CDH11: variants seen among roughly 807,000 people sequenced by gnomAD.
CDH11 encodes the protein cadherin-11.
Under a neutral mutation model 67.8 loss-of-function variants are expected in CDH11, and 11 were observed. The observed-to-expected ratio is 0.16, with a 90% CI of 0.10 to 0.27. The LOEUF (loss-of-function observed/expected upper bound fraction) is 0.27, where lower values mean the gene tolerates loss of function less well. Ranked by LOEUF, CDH11 falls within the 10% of genes least tolerant of loss-of-function variation. The probability of loss-of-function intolerance (pLI) is 1.00; values close to 1 mark genes in which losing one functional copy is unlikely to be tolerated. For missense variants in CDH11, 847 were observed against 1,031.2 expected (o/e 0.82, Z 2.45); for synonymous variants, 419 against 400.0 (o/e 1.05, Z -0.57).
intron 2 of CDH11, among the ~76,000 whole-genome samples, chr16:65,014,861 AT>A (rs111296967): frequency 0.014 from 2,010 of 147,700 alleles, 42 homozygotes; most frequent in African/African-American, 0.046. Context: ...GTTTAAAACA[AT>A]TTTTTTTTTT....
rs573381936 is a variant in CDH11, at chr16:65,086,912, A to G, written c.-297-32984T>C. Among the ~76,000 whole-genome samples, 47 of 152,330 alleles carry G rather than the reference A, an allele frequency of 3.1e-4. 1 individual carries two copies. The South Asian group carries it at 7.7e-3, about 25-fold the overall frequency. On this transcript the variant is annotated intron_variant, in intron 1 of 12. Transcript: ENST00000268603. ...AATTATAGACTCTTAGATATTCCAG[A>G]ACAGACAGTAAAAGAAAGTGTATTT...
intron 11 of CDH11, among the ~76,000 whole-genome samples, chr16:64,965,017 G>A (rs1323746384): frequency 6.6e-6 from 1 of 151,704 alleles, no homozygotes; most frequent in African/African-American, 2.4e-5. Context: ...ATTTACGTTA[G>A]GCATAAATCA....
At chr16:65,097,813 C>T (rs1418600612) in intron 1 of CDH11, among the ~76,000 whole-genome samples, 1 of 152,068 alleles carries the variant, frequency 6.6e-6, no homozygotes, top group Non-Finnish European at 1.5e-5. Flanking sequence ...CTACTGGGGA[C>T]TTTTGATCAG....
chr16:64,992,877 C>T (rs1244189020), intron 5 of CDH11, 38 bp downstream of exon 5: 6 of 1,603,724 alleles, frequency 3.7e-6, no homozygotes, highest in Non-Finnish European at 5.1e-6. Context: ...ACTTCTTATT[C>T]ACCATGTGTC....
chr16:65,048,980 G>T (rs1034051053), intron 2 of CDH11, among the ~76,000 whole-genome samples: 1 of 152,060 alleles, frequency 6.6e-6, no homozygotes, highest in African/African-American at 2.4e-5. Flanking sequence ...CATATCCTCA[G>T]TTATGAGTGG....
chr16:65,078,019 T>G (rs1168310393), intron 1 of CDH11, among the ~76,000 whole-genome samples: 1 of 152,218 alleles, frequency 6.6e-6, no homozygotes, highest in African/African-American at 2.4e-5. Context: ...GATCCTCTGA[T>G]TTGTGAACTA....
At chr16:65,100,654 C>T (rs773682762) in intron 1 of CDH11, among the ~76,000 whole-genome samples, 2 of 149,994 alleles carry the variant, frequency 1.3e-5, no homozygotes, top group Non-Finnish European at 1.5e-5. Flanking sequence ...AGGAGAATGA[C>T]GTGAACCCAG....
chr16:65,093,192 C>T (rs1396380813), intron 1 of CDH11, among the ~76,000 whole-genome samples: 1 of 149,792 alleles, frequency 6.7e-6, no homozygotes, highest in Non-Finnish European at 1.5e-5. Flanking sequence ...CCTGCCTTGG[C>T]CTCCCAGTGT....
chr16:65,122,106 G>GT, upstream of CDH11: 1 of 511,080 alleles, frequency 2.0e-6, no homozygotes, highest in Non-Finnish European at 3.5e-6. Flanking sequence ...AAACCGGGGG[G>GT]AGGTGGCGGG....
chr16:64,968,735 G>A (rs186214622), intron 11 of CDH11, among the ~76,000 whole-genome samples: 4 of 152,272 alleles, frequency 2.6e-5, no homozygotes, highest in Admixed American at 2.6e-4. Context: ...AGGAGAAAGA[G>A]ACTTGATGCT....
chr16:64,947,635 C>T lies in CDH11; in HGVS notation c.2359G>A (p.Gly787Ser), dbSNP rs774841339. The change falls in exon 13 of 13, where the codon GGT becomes AGT. Residue 787 changes from glycine (G) to serine (S), a missense_variant. This residue lies in a region of CDH11 where 612 missense variants were observed against 678.7 expected (regional missense o/e 0.90). Transcript: ENST00000268603. ...PRFKKLADLY[G>S]SKDTFDDDS ...TCGTCATCAAAAGTGTCTTTGGAAC[C>T]ATACAAATCTGCTAGTTTCTTAAAA... The T allele has an allele frequency of 6.2e-7, 1 of 1,613,446 alleles. No homozygotes were observed. Among genetic ancestry groups the T allele is most frequent in the South Asian group, 1.1e-5 (1 of 91,060 alleles).
At chr16:64,972,866 TG>T in intron 9 of CDH11, 37 bp downstream of exon 9, 1 of 1,607,824 alleles carries the variant, frequency 6.2e-7, no homozygotes, top group East Asian at 2.2e-5. Context: ...CGATAATACT[TG>T]GTAAAGTAGA....
intron 1 of CDH11, among the ~76,000 whole-genome samples, chr16:65,091,050 C>T (rs761886054): frequency 3.9e-5 from 6 of 152,164 alleles, no homozygotes; most frequent in Admixed American, 6.5e-5. Context: ...CGCATAAGTG[C>T]GTAAGTATGA....
intron 2 of CDH11, among the ~76,000 whole-genome samples, chr16:65,052,454 A>G (rs1387663313): frequency 3.3e-5 from 5 of 152,186 alleles, no homozygotes; most frequent in African/African-American, 1.2e-4. Flanking sequence ...AGTGCTTATG[A>G]GGTGAGAGAG....
intron 1 of CDH11, among the ~76,000 whole-genome samples, chr16:65,068,962 G>A (rs1301994910): frequency 6.6e-6 from 1 of 152,134 alleles, no homozygotes; most frequent in Middle Eastern, 3.2e-3. Flanking sequence ...CATGTTTTAA[G>A]TATTCTCATT....
At chr16:64,994,620 G>C (rs1472159048) in intron 4 of CDH11, among the ~76,000 whole-genome samples, 1 of 151,408 alleles carries the variant, frequency 6.6e-6, no homozygotes, top group African/African-American at 2.4e-5. Context: ...ATGAGCAAAA[G>C]CTGGAAGCAT....
chr16:65,033,666 G>A (rs1159023040), intron 2 of CDH11, among the ~76,000 whole-genome samples: 2 of 149,840 alleles, frequency 1.3e-5, no homozygotes, highest in Non-Finnish European at 2.9e-5. Context: ...GAAACCGGGA[G>A]GTGGAGGTTG....
At chr16:65,081,252 A>T (rs1490719175) in intron 1 of CDH11, among the ~76,000 whole-genome samples, 1 of 152,152 alleles carries the variant, frequency 6.6e-6, no homozygotes, top group Non-Finnish European at 1.5e-5. Context: ...CCATCAAACA[A>T]TGACCTGCAC....
chr16:65,054,364 C>T (rs2142721059), intron 1 of CDH11, among the ~76,000 whole-genome samples: 1 of 152,260 alleles, frequency 6.6e-6, no homozygotes, highest in African/African-American at 2.4e-5. Context: ...TTGACAGATC[C>T]TCTTGAACAA....
Sources: allele counts gnomAD v4.1 joint callset (sites outside exome capture counted in the v4.1 genomes callset), GRCh38; gene constraint gnomAD v4.1.1; regional missense constraint gnomAD v4.1.1; transcripts MANE v1.5; gene names NCBI Gene and HGNC (gene_info 2026-07-23, HGNC 2026-07-21).